The following MAP3K13 variants were observed in gnomAD, a reference collection of about 807,000 sequenced individuals.
The protein encoded by MAP3K13 is mitogen-activated protein kinase kinase kinase 13.
In MAP3K13, 52 loss-of-function variants were observed where a neutral mutation model predicts 104.0. The ratio of observed to expected loss-of-function variants is 0.50; its 90% confidence interval spans 0.40 to 0.63. MAP3K13 has a LOEUF of 0.63. Among genes scored for constraint, MAP3K13 ranks in the 20% least tolerant of loss-of-function variants. The pLI is 0.00. For missense variants in MAP3K13, 914 were observed against 1,218.5 expected, an observed-to-expected ratio of 0.75 and a Z score of 3.72; for synonymous variants, 394 against 442.2, an observed-to-expected ratio of 0.89 and a Z score of 1.37.
intron 2 of MAP3K13, among the ~76,000 whole-genome samples, chr3:185,343,661 C>T (rs2043517518): frequency 1.3e-5 from 2 of 152,132 alleles, no homozygotes. Flanking sequence ...CCGTGTTGGC[C>T]AGGATGGTCT....
chr3:185,435,148 C>A (rs187049319), intron 2 of MAP3K13, among the ~76,000 whole-genome samples: 359 of 151,474 alleles, frequency 2.4e-3, no homozygotes, highest in African/African-American at 8.2e-3. Context: ...GGATTACAGG[C>A]CTGCACCACC....
intron 1 of MAP3K13, among the ~76,000 whole-genome samples, chr3:185,402,152 C>T (rs1712851686): frequency 6.6e-6 from 1 of 152,094 alleles, no homozygotes; most frequent in Admixed American, 6.5e-5. Context: ...TGGACAGGTG[C>T]TCTTAAAAAC....
At chr3:185,398,511 C>T (rs1287654577) in intron 1 of MAP3K13, among the ~76,000 whole-genome samples, 2 of 152,188 alleles carry the variant, frequency 1.3e-5, no homozygotes, top group African/African-American at 4.8e-5. Context: ...GGCTATCTCC[C>T]CTACAAGATA....
chr3:185,455,694 TATATATATGAGATATATATGAG>T (rs1183762230), intron 7 of MAP3K13, among the ~76,000 whole-genome samples: 4,260 of 19,160 alleles, frequency 0.22, 355 homozygotes, highest in South Asian at 0.33. Flanking sequence ...ATATATATGA[TATATATATGAGATATATATGAG>T]ATATATATGA....
At chr3:185,465,008 G>GTC (rs774149119) in intron 8 of MAP3K13, among the ~76,000 whole-genome samples, 1 of 152,078 alleles carries the variant, frequency 6.6e-6, no homozygotes, top group African/African-American at 2.4e-5. Flanking sequence ...TTTTGAGATA[G>GTC]TCTCTCTCTG....
At position 185,418,774 on chromosome 3, in the gene MAP3K13, G is replaced by A. The variant is rs1577534286; in HGVS notation, c.-85-9723G>A. On this transcript the variant is annotated intron_variant, in intron 1 of 13. Coordinates refer to ENST00000265026, the MANE Select transcript of MAP3K13 (RefSeq NM_004721.5). This position sits in a 1 kb window ranked among gnomAD's most constrained non-coding sequence, Gnocchi z 4.5. ...CACCGATATCATTGGGCGAGCACAC[G>A]CCATGGCGGAGAGAGGAGACAGCCA... 4.4e-6 allele frequency: 7 copies of A among 1,601,098 alleles called. No homozygotes were observed. The East Asian group carries it at 6.7e-5, about 15-fold the overall frequency.
At chr3:185,325,435 G>C (rs1029471499) in intron 2 of MAP3K13, among the ~76,000 whole-genome samples, 2 of 152,162 alleles carry the variant, frequency 1.3e-5, no homozygotes, top group Non-Finnish European at 2.9e-5. Context: ...TTTGACATGG[G>C]TTCTTTCTGA....
At chr3:185,351,763 G>C (rs1173733533) in intron 2 of MAP3K13, among the ~76,000 whole-genome samples, 1 of 152,200 alleles carries the variant, frequency 6.6e-6, no homozygotes, top group Non-Finnish European at 1.5e-5. Context: ...TAGTGGGGTA[G>C]AGTAAGTAGC....
At chr3:185,467,079 G>GA in intron 10 of MAP3K13, 116 bp downstream of exon 10, 1 of 1,163,900 alleles carries the variant, frequency 8.6e-7, no homozygotes, top group Non-Finnish European at 1.2e-6. Context: ...TGACTGTAGA[G>GA]ATACTCAGTA....
intron 2 of MAP3K13, among the ~76,000 whole-genome samples, chr3:185,348,888 G>A (rs1409408052): frequency 1.3e-5 from 2 of 152,116 alleles, no homozygotes; most frequent in Non-Finnish European, 2.9e-5. Flanking sequence ...CTGCACTGCA[G>A]CCTGGCAACA....
chr3:185,410,145 G>A (rs1004687940), intron 1 of MAP3K13, among the ~76,000 whole-genome samples: 4 of 152,164 alleles, frequency 2.6e-5, no homozygotes, highest in African/African-American at 9.7e-5. Flanking sequence ...ACCTCCTGCT[G>A]TGCAGCCTGG....
chr3:185,358,102 A>G (rs1047587991), intron 2 of MAP3K13, among the ~76,000 whole-genome samples: 1 of 152,232 alleles, frequency 6.6e-6, no homozygotes, highest in African/African-American at 2.4e-5. Context: ...TGTATATAAT[A>G]AGGTTAACCA....
In MAP3K13 at chr3:185,418,672, A is replaced by G. The variant is rs1713945597; in HGVS notation, c.-85-9825A>G. The G allele has an allele frequency of 1.2e-6, 2 of 1,611,752 alleles. No homozygotes were observed. Among genetic ancestry groups the G allele is most frequent in the African/African-American group, 2.7e-5 (2 of 75,018 alleles). On this transcript the variant is annotated intron_variant, in intron 1 of 13. Coordinates refer to ENST00000265026, the MANE Select transcript of MAP3K13 (RefSeq NM_004721.5). The surrounding 1 kb of genome is among the most constrained non-coding windows in gnomAD (Gnocchi z 4.5). ...CAAGTTGGTGTGAACAAAGTTCACAATATCTGGTCGAATAGGAGCCTTGAA... is the reference window on the plus strand; with the variant it reads ...CAAGTTGGTGTGAACAAAGTTCACAGTATCTGGTCGAATAGGAGCCTTGAA...
chr3:185,298,324 A>C (rs1385465229), intron 2 of MAP3K13, among the ~76,000 whole-genome samples: 1 of 152,196 alleles, frequency 6.6e-6, no homozygotes, highest in Non-Finnish European at 1.5e-5. Flanking sequence ...AAATAATGGA[A>C]ATATGTATGT....
chr3:185,386,633 A>G (rs1285897405), intron 1 of MAP3K13, among the ~76,000 whole-genome samples: 2 of 152,358 alleles, frequency 1.3e-5, no homozygotes, highest in South Asian at 2.1e-4. Context: ...CACAATAGCA[A>G]AGACAGGGAG....
intron 7 of MAP3K13, among the ~76,000 whole-genome samples, chr3:185,454,443 T>TATATG (rs1716163457): frequency 1.7e-5 from 1 of 58,086 alleles, no homozygotes; most frequent in African/African-American, 6.3e-5. Flanking sequence ...ATATATGAGA[T>TATATG]ATATATATGA....
intron 1 of MAP3K13, among the ~76,000 whole-genome samples, chr3:185,363,577 C>T (rs1723737162): frequency 6.6e-6 from 1 of 152,180 alleles, no homozygotes; most frequent in Non-Finnish European, 1.5e-5. Flanking sequence ...TGCTTGTCTG[C>T]CTGCTAGACG....
chr3:185,478,443 T>C (rs955208509), intron 12 of MAP3K13, among the ~76,000 whole-genome samples: 1 of 152,180 alleles, frequency 6.6e-6, no homozygotes, highest in African/African-American at 2.4e-5. Context: ...CCCTGCATTA[T>C]ACACAAAATT....
At chr3:185,402,089 C>T (rs1712847122) in intron 1 of MAP3K13, among the ~76,000 whole-genome samples, 1 of 152,204 alleles carries the variant, frequency 6.6e-6, no homozygotes, top group Admixed American at 6.5e-5. Flanking sequence ...TTTACTTGGA[C>T]TCTCCCTACT....
Sources: gnomAD v4.1 joint callset for allele counts (sites outside exome capture counted in the v4.1 genomes callset) on GRCh38, gnomAD v4.1.1 for gene constraint, Gnocchi (gnomAD v3.1) non-coding constraint, MANE v1.5 for transcripts, NCBI Gene and HGNC (gene_info 2026-07-23, HGNC 2026-07-21) for gene names.